The following PLEKHH2 variants were observed in gnomAD, a reference collection of about 807,000 sequenced individuals.
The protein encoded by PLEKHH2 is pleckstrin homology, MyTH4 and FERM domain containing H2, also known as pleckstrin homology domain-containing family H member 2.
Under a neutral mutation model 187.9 loss-of-function variants are expected in PLEKHH2, and 129 were observed. The observed-to-expected ratio is 0.69, with a 90% CI of 0.59 to 0.79. The LOEUF is 0.79. Among genes scored for constraint, PLEKHH2 ranks in the 30% least tolerant of loss-of-function variants. The probability of loss-of-function intolerance (pLI) is 0.00; values close to 1 mark genes in which losing one functional copy is unlikely to be tolerated. For synonymous variants in PLEKHH2, 686 were observed against 605.6 expected (o/e 1.13, Z -1.95); for missense variants, 2,076 against 1,751.2 (o/e 1.19, Z -3.31).
chr2:43,651,369 C>G (rs375115959), intron 2 of PLEKHH2, among the ~76,000 whole-genome samples: 2 of 152,292 alleles, frequency 1.3e-5, no homozygotes, highest in African/African-American at 4.8e-5. Flanking sequence ...GCCCGGCCCT[C>G]AAATTTCAAA....
intron 1 of PLEKHH2, among the ~76,000 whole-genome samples, chr2:43,641,167 A>T (rs191965134): frequency 6.6e-5 from 10 of 152,130 alleles, no homozygotes; most frequent in African/African-American, 2.4e-4. Flanking sequence ...TCTAGACACA[A>T]ATCCCTGAGA....
intron 24 of PLEKHH2, among the ~76,000 whole-genome samples, chr2:43,746,241 C>T (rs779764273): frequency 3.2e-4 from 49 of 152,308 alleles, no homozygotes; most frequent in Admixed American, 1.2e-3. Flanking sequence ...CGGTGGCTCA[C>T]GCCTATAATC....
rs936405994 is a variant in PLEKHH2 at position 43,700,574 on chromosome 2, C to A, written c.1616C>A (p.Pro539His). 6.2e-7 allele frequency: 1 copy of A among 1,611,922 alleles called. No homozygotes were observed. Among genetic ancestry groups the A allele is most frequent in the Non-Finnish European group, 8.5e-7 (1 of 1,179,754 alleles). ...GCAAAGAAGGTGGCATACAGCAAAC[C>A]TCCAACTCCTCCCCTGCACCGTTTT... ...DSAKKVAYSK[P>H]PTPPLHRFPS... is the part of the protein sequence containing the mutation. The change falls in exon 8 of 30, where the codon CCT becomes CAT. Residue 539 changes from proline (P) to histidine (H), a missense_variant. Transcript: ENST00000282406.
chr2:43,642,149 T>C (rs1053400994), intron 1 of PLEKHH2, among the ~76,000 whole-genome samples: 11 of 152,252 alleles, frequency 7.2e-5, no homozygotes, highest in African/African-American at 2.7e-4. Context: ...TAAATTTCTT[T>C]CAGTGATGTT....
intron 2 of PLEKHH2, among the ~76,000 whole-genome samples, chr2:43,677,856 G>A (rs372640759): frequency 0.025 from 3,622 of 145,372 alleles, 52 homozygotes; most frequent in South Asian, 0.06. Flanking sequence ...CCTCCCGGAC[G>A]GGGCGGCTGG....
intron 24 of PLEKHH2, among the ~76,000 whole-genome samples, chr2:43,751,117 G>C (rs1243250795): frequency 1.3e-5 from 2 of 152,220 alleles, no homozygotes; most frequent in African/African-American, 2.4e-5. Context: ...GTTGTCTGAA[G>C]GATTAAATGT....
At position 43,757,563 on chromosome 2, in the gene PLEKHH2, C is replaced by T. The variant is rs918707456; in HGVS notation, c.3941+299C>T. Among the ~76,000 whole-genome samples, 12 of 151,944 alleles carry T rather than the reference C, an allele frequency of 7.9e-5. No homozygotes were observed. The East Asian group carries it at 9.7e-4, about 12-fold the overall frequency. On this transcript the variant is annotated intron_variant, in intron 26 of 29. Coordinates refer to ENST00000282406, the MANE Select transcript of PLEKHH2 (RefSeq NM_172069.4). ...CCTCCCAAGTAGCTGGGACTACAGG[C>T]GCCCGCCACCACACCCAGCTAATTT...
At chr2:43,699,542 A>G (rs968623101) in intron 7 of PLEKHH2, 105 bp from the exon 8 acceptor site, 5 of 1,405,082 alleles carry the variant, frequency 3.6e-6, no homozygotes, top group Non-Finnish European at 4.8e-6. Context: ...TGCACCCAGC[A>G]AATTTCTACA....
intron 2 of PLEKHH2, among the ~76,000 whole-genome samples, chr2:43,647,437 A>G (rs1666234566): frequency 6.6e-6 from 1 of 152,162 alleles, no homozygotes; most frequent in Non-Finnish European, 1.5e-5. Context: ...ATCAGCCTAT[A>G]TGGCCTTTCT....
chr2:43,709,461 A>G (rs1669831798), intron 11 of PLEKHH2, among the ~76,000 whole-genome samples: 1 of 152,250 alleles, frequency 6.6e-6, no homozygotes, highest in African/African-American at 2.4e-5. Flanking sequence ...TCTTGCATAT[A>G]TTTTATATAT....
chr2:43,738,413 G>A lies in PLEKHH2; in HGVS notation c.3016G>A (p.Ala1006Thr). Reference sequence around the variant, plus strand: ...TTACCACATATCTTTAGCCCAGAGTGCTTTGCAAATCTGCCTGACACATCC... The same window carrying A: ...TTACCACATATCTTTAGCCCAGAGTACTTTGCAAATCTGCCTGACACATCC... ...IDYHISLAQSALQICLTHPEL... is the reference protein window; with the variant it reads ...IDYHISLAQSTLQICLTHPEL... Residue 1006 changes from alanine to threonine, a missense_variant, in exon 20 of 30, where the codon GCT (alanine) becomes ACT (threonine). By Grantham distance (58) the Ala-to-Thr change is moderately conservative (BLOSUM62 0). Coordinates refer to ENST00000282406, the MANE Select transcript of PLEKHH2 (RefSeq NM_172069.4). The A allele has an allele frequency of 6.2e-7, 1 of 1,614,046 alleles. No homozygotes were observed. Among genetic ancestry groups the A allele is most frequent in the South Asian group, 1.1e-5 (1 of 91,062 alleles).
rs1295226942 is a variant in PLEKHH2, at chr2:43,767,403, A to G, written c.*1805A>G. 1.3e-5 allele frequency: 2 copies of G among 152,360 alleles called. No homozygotes were observed. The highest frequency in any genetic ancestry group is 2.9e-5 in the Non-Finnish European group (2 of 68,036). The allele number at this position is 152,360 out of a possible 1,614,324, so 9.4% of individuals were successfully genotyped here. A position where few individuals can be genotyped will look rare whatever the true frequency, so the allele number is the denominator to read the frequency against. ...AATATTTTACTTTATTGATAATGAC[A>G]AAAAGAATATTTTTTAAACCCCATC... On this transcript the variant is annotated 3_prime_UTR_variant, in exon 30 of 30. Transcript: ENST00000282406.
At chr2:43,687,644 G>T (rs1572557485) in intron 3 of PLEKHH2, among the ~76,000 whole-genome samples, 1 of 152,156 alleles carries the variant, frequency 6.6e-6, no homozygotes, top group African/African-American at 2.4e-5. Context: ...AGCATTGCCA[G>T]CATCTGTTAT....
chr2:43,712,149 A>G (rs1669996367), intron 14 of PLEKHH2, 76 bp from the exon 15 acceptor site: 1 of 1,528,826 alleles, frequency 6.5e-7, no homozygotes, highest in African/African-American at 1.4e-5. Flanking sequence ...ATGACGTTTG[A>G]ATAATGAACA....
At chr2:43,649,989 C>T (rs1411241708) in intron 2 of PLEKHH2, among the ~76,000 whole-genome samples, 4 of 152,170 alleles carry the variant, frequency 2.6e-5, no homozygotes, top group Non-Finnish European at 4.4e-5. Flanking sequence ...GCTAAGTTCA[C>T]TTTGGCTACA....
chr2:43,710,624 C>G, intron 14 of PLEKHH2, 49 bp downstream of exon 14: 2 of 1,299,376 alleles, frequency 1.5e-6, no homozygotes, highest in East Asian at 2.7e-5. Context: ...ATGCCAGACT[C>G]AATTCTCAAT....
intron 3 of PLEKHH2, among the ~76,000 whole-genome samples, chr2:43,688,985 T>C (rs1424934308): frequency 6.8e-6 from 1 of 147,684 alleles, no homozygotes; most frequent in African/African-American, 2.5e-5. Context: ...CTGATAAATT[T>C]TGGCCCAGGG....
chr2:43,666,656 T>C (rs1667233036), intron 2 of PLEKHH2, among the ~76,000 whole-genome samples: 1 of 152,240 alleles, frequency 6.6e-6, no homozygotes, highest in Admixed American at 6.5e-5. Context: ...TTAATAGGTA[T>C]GTAGTTGTAT....
intron 2 of PLEKHH2, among the ~76,000 whole-genome samples, chr2:43,667,211 A>G (rs1421328031): frequency 2.0e-5 from 3 of 151,776 alleles, no homozygotes; most frequent in African/African-American, 7.3e-5. Flanking sequence ...TGTTGAAAAG[A>G]CTCTCTCCTC....
Sources: allele counts gnomAD v4.1 joint callset (sites outside exome capture counted in the v4.1 genomes callset), GRCh38; gene constraint gnomAD v4.1.1; transcripts MANE v1.5; gene names NCBI Gene and HGNC (gene_info 2026-07-23, HGNC 2026-07-21).